KIAA1549L: variants seen among roughly 807,000 people sequenced by gnomAD.
The protein encoded by KIAA1549L is KIAA1549 like.
Under a neutral mutation model 160.7 loss-of-function variants are expected in KIAA1549L, and 88 were observed. That is an observed-to-expected ratio of 0.55 (90% confidence interval 0.46 to 0.65). The LOEUF (loss-of-function observed/expected upper bound fraction) is 0.65, where lower values mean the gene tolerates loss of function less well. KIAA1549L is among the 30% of genes least tolerant of loss of function. KIAA1549L has a pLI of 0.00. For missense variants in KIAA1549L, 2,258 were observed against 2,437.5 expected (o/e 0.93, Z 1.55); for synonymous variants, 950 against 976.7 (o/e 0.97, Z 0.51).
At chr11:33,560,209 C>T (rs1236513690) in intron 7 of KIAA1549L, among the ~76,000 whole-genome samples, 3 of 152,178 alleles carry the variant, frequency 2.0e-5, no homozygotes, top group Non-Finnish European at 2.9e-5. Flanking sequence ...CTCAGACCTG[C>T]CCTATAAGAC....
At chr11:33,553,536 G>A (rs1220870594) in intron 6 of KIAA1549L, among the ~76,000 whole-genome samples, 2 of 152,216 alleles carry the variant, frequency 1.3e-5, no homozygotes, top group African/African-American at 2.4e-5. Flanking sequence ...ACTTGAGTGA[G>A]CAGCTTTCCT....
chr11:33,523,082 G>A (rs2746552), intron 1 of KIAA1549L, among the ~76,000 whole-genome samples: 106,480 of 152,040 alleles, frequency 0.7, 38,057 homozygotes, highest in African/African-American at 0.86. Flanking sequence ...ATGACAAAGA[G>A]TGTGTTTTCT....
At chr11:33,514,400 C>T (rs940879192) in intron 1 of KIAA1549L, among the ~76,000 whole-genome samples, 2 of 152,230 alleles carry the variant, frequency 1.3e-5, no homozygotes, top group Non-Finnish European at 2.9e-5. Flanking sequence ...GACGTCTACA[C>T]TGACTCATGC....
intron 1 of KIAA1549L, among the ~76,000 whole-genome samples, chr11:33,421,741 G>A (rs1358516073): frequency 6.6e-6 from 1 of 152,210 alleles, no homozygotes; most frequent in African/African-American, 2.4e-5. Context: ...TCCTGGGGAT[G>A]GAGTTGGTGG....
chr11:33,511,766 T>G (rs1488463135), intron 1 of KIAA1549L, among the ~76,000 whole-genome samples: 1 of 152,212 alleles, frequency 6.6e-6, no homozygotes, highest in Non-Finnish European at 1.5e-5. Context: ...CTGCACAAGC[T>G]TAAGTGCCAA....
chr11:33,635,306 A>G (rs1851408992), intron 16 of KIAA1549L, among the ~76,000 whole-genome samples: 1 of 152,248 alleles, frequency 6.6e-6, no homozygotes, highest in South Asian at 2.1e-4. Context: ...AAAAATGGAC[A>G]TGGAGCCAGA....
chr11:33,553,982 A>G (rs1022244193), intron 6 of KIAA1549L, among the ~76,000 whole-genome samples: 2 of 152,206 alleles, frequency 1.3e-5, no homozygotes, highest in African/African-American at 4.8e-5. Context: ...GCTCTTGAAC[A>G]TTTAAACAGC....
At position 33,551,220 on chromosome 11, in the gene KIAA1549L, T is replaced by G; in HGVS notation, c.3682T>G (p.Trp1228Gly). The G allele has an allele frequency of 6.2e-7, 1 of 1,613,684 alleles. No homozygotes were observed. The highest frequency in any genetic ancestry group is 8.5e-7 in the Non-Finnish European group (1 of 1,179,862). Residue 1228 changes from tryptophan to glycine, a missense_variant, in exon 5 of 21, where the codon TGG becomes GGG. This residue lies in a region of KIAA1549L where 1,359 missense variants were observed against 1,546.6 expected (regional missense o/e 0.88). Coordinates refer to ENST00000658780, the MANE Select transcript of KIAA1549L (RefSeq NM_012194.3). ...GTCTGTGGCAGTACTTGCCTCCCCATGGAATCCCCAGCCTGCAGGCTACTT... is the reference window on the plus strand; with the variant it reads ...GTCTGTGGCAGTACTTGCCTCCCCAGGGAATCCCCAGCCTGCAGGCTACTT... ...LQSVAVLASP[W>G]NPQPAGYFQL...
At chr11:33,659,597 A>G (rs1852191997) in intron 19 of KIAA1549L, among the ~76,000 whole-genome samples, 1 of 152,258 alleles carries the variant, frequency 6.6e-6, no homozygotes, top group Non-Finnish European at 1.5e-5. Context: ...TATCCAAACC[A>G]TACCTTTTAG....
At chr11:33,520,374 C>T (rs574948333) in intron 1 of KIAA1549L, among the ~76,000 whole-genome samples, 1 of 151,918 alleles carries the variant, frequency 6.6e-6, no homozygotes, top group East Asian at 1.9e-4. Context: ...TATAAGTGAG[C>T]TTGTGCAATA....
chr11:33,392,422 A>C (rs12802639), intron 1 of KIAA1549L, among the ~76,000 whole-genome samples: 2,317 of 152,264 alleles, frequency 0.015, 28 homozygotes, highest in Middle Eastern at 0.082. Context: ...TTTCGCATAC[A>C]TGTCATTGAT....
At chr11:33,452,558 A>C (rs1413399131) in intron 1 of KIAA1549L, among the ~76,000 whole-genome samples, 1 of 152,246 alleles carries the variant, frequency 6.6e-6, no homozygotes, top group Non-Finnish European at 1.5e-5. Context: ...CAGTGAGCCA[A>C]GATCGCACCA....
chr11:33,544,204 A>T lies in KIAA1549L; in HGVS notation c.2641A>T (p.Arg881Ter), dbSNP rs1437561931. The change falls in exon 2 of 21, where the codon AGA (arginine) becomes TGA (stop). Residue 881 changes from arginine (R) to a stop codon, truncating the protein, a stop_gained. Coordinates refer to ENST00000658780, the MANE Select transcript of KIAA1549L (RefSeq NM_012194.3). LOFTEE classifies it high-confidence loss of function. ...ISSDINSSPE[R>*]NASTPFQNIL... ...CAGTGACATCAATTCATCACCTGAG[A>T]GAAATGCTTCCACACCATTCCAGAA... is the stretch of plus-strand genomic sequence containing the variant. 1 of 1,613,910 alleles carries T rather than the reference A, an allele frequency of 6.2e-7. No individual in the cohort carries two copies. The highest frequency in any genetic ancestry group is 1.7e-5 in the Admixed American group (1 of 60,002).
chr11:33,489,561 G>A (rs532331378), intron 1 of KIAA1549L, among the ~76,000 whole-genome samples: 7 of 152,330 alleles, frequency 4.6e-5, no homozygotes, highest in Admixed American at 4.6e-4. Context: ...TGGAGGTGAT[G>A]TAGTTTTGCT....
At chr11:33,523,307 T>G (rs1015412668) in intron 1 of KIAA1549L, among the ~76,000 whole-genome samples, 1 of 152,206 alleles carries the variant, frequency 6.6e-6, no homozygotes, top group Non-Finnish European at 1.5e-5. Context: ...AATAAAACTT[T>G]CGTTTACCAC....
At chr11:33,397,710 TCACACACA>T (rs71034679) in intron 1 of KIAA1549L, among the ~76,000 whole-genome samples, 2,746 of 142,978 alleles carry the variant, frequency 0.019, 41 homozygotes, top group East Asian at 0.036. Context: ...AGACTCCATC[TCACACACA>T]CACACACACA....
At chr11:33,538,095 G>A (rs953803107) in intron 1 of KIAA1549L, among the ~76,000 whole-genome samples, 1 of 152,214 alleles carries the variant, frequency 6.6e-6, no homozygotes, top group Non-Finnish European at 1.5e-5. Flanking sequence ...TGAAGGGGAA[G>A]CAAGGCACCT....
intron 1 of KIAA1549L, among the ~76,000 whole-genome samples, chr11:33,465,005 T>C (rs537066032): frequency 6.7e-6 from 1 of 149,692 alleles, no homozygotes; most frequent in South Asian, 2.1e-4. Flanking sequence ...TGCTGAAACA[T>C]CCTTCCTCCA....
At chr11:33,400,796 G>T (rs1479045259) in intron 1 of KIAA1549L, among the ~76,000 whole-genome samples, 1 of 152,174 alleles carries the variant, frequency 6.6e-6, no homozygotes, top group South Asian at 2.1e-4. Context: ...CAGACACTGT[G>T]CAGGGTGCCT....
Sources: gnomAD v4.1 joint callset for allele counts (sites outside exome capture counted in the v4.1 genomes callset) on GRCh38, gnomAD v4.1.1 for gene constraint, gnomAD v4.1.1 regional missense constraint, MANE v1.5 for transcripts, NCBI Gene and HGNC (gene_info 2026-07-23, HGNC 2026-07-21) for gene names.